The following FANCC variants were observed in gnomAD, a reference collection of about 807,000 sequenced individuals.
FANCC encodes Fanconi anemia group C protein.
Under a neutral mutation model 71.3 loss-of-function variants are expected in FANCC, and 55 were observed. That is an observed-to-expected ratio of 0.77 (90% CI 0.62 to 0.97). The LOEUF is 0.97. Among genes scored for constraint, FANCC ranks in the 50% least tolerant of loss-of-function variants. The pLI, the probability that FANCC is intolerant of heterozygous loss-of-function variation, is 0.00. For missense variants in FANCC, 678 were observed against 670.9 expected (o/e 1.01, Z -0.12); for synonymous variants, 275 against 244.9 (o/e 1.12, Z -1.15).
intron 6 of FANCC, among the ~76,000 whole-genome samples, chr9:95,152,910 C>T (rs1033584857): frequency 3.3e-5 from 5 of 152,008 alleles, no homozygotes; most frequent in African/African-American, 1.2e-4. Context: ...ACACTAAATA[C>T]ACTAATACCA....
chr9:95,287,048 C>T (rs1321320888), intron 1 of FANCC, among the ~76,000 whole-genome samples: 2 of 152,050 alleles, frequency 1.3e-5, no homozygotes, highest in Non-Finnish European at 2.9e-5. Context: ...TTACATGGTG[C>T]TTATTCTATG....
intron 1 of FANCC, among the ~76,000 whole-genome samples, chr9:95,263,450 G>A (rs138896722): frequency 1.3e-5 from 2 of 150,852 alleles, no homozygotes; most frequent in African/African-American, 4.9e-5. Context: ...TGTTACTGAA[G>A]ACCCCAAAGA....
intron 1 of FANCC, among the ~76,000 whole-genome samples, chr9:95,280,787 T>G (rs1371513246): frequency 6.6e-6 from 1 of 152,174 alleles, no homozygotes; most frequent in Non-Finnish European, 1.5e-5. Flanking sequence ...TTAAGGAAAT[T>G]TGGCTAACTT....
chr9:95,152,413 T>C (rs1214267974), intron 6 of FANCC, among the ~76,000 whole-genome samples: 1 of 152,170 alleles, frequency 6.6e-6, no homozygotes, highest in Non-Finnish European at 1.5e-5. Flanking sequence ...AGCACGTATA[T>C]ATCTGGGAAG....
intron 4 of FANCC, among the ~76,000 whole-genome samples, chr9:95,175,268 A>G (rs1259949843): frequency 1.3e-5 from 2 of 152,040 alleles, no homozygotes; most frequent in Non-Finnish European, 2.9e-5. Context: ...GCTTTAAAAC[A>G]TTACTACTCA....
chr9:95,278,036 T>C (rs1427725148), intron 1 of FANCC, among the ~76,000 whole-genome samples: 1 of 152,218 alleles, frequency 6.6e-6, no homozygotes, highest in African/African-American at 2.4e-5. Flanking sequence ...AAATGATATG[T>C]ACACACTGTA....
intron 1 of FANCC, among the ~76,000 whole-genome samples, chr9:95,288,075 T>A (rs1270210810): frequency 6.6e-6 from 1 of 152,180 alleles, no homozygotes; most frequent in Non-Finnish European, 1.5e-5. Context: ...TTCTTCATAA[T>A]CTCTGTACAG....
intron 1 of FANCC, among the ~76,000 whole-genome samples, chr9:95,295,861 G>C (rs996533853): frequency 3.3e-5 from 5 of 151,966 alleles, no homozygotes; most frequent in African/African-American, 1.2e-4. Flanking sequence ...CAAAGTTTCA[G>C]TCCTAAAAGA....
intron 4 of FANCC, among the ~76,000 whole-genome samples, chr9:95,229,720 C>T (rs1829868651): frequency 6.6e-6 from 1 of 151,816 alleles, no homozygotes; most frequent in Admixed American, 6.6e-5. Context: ...GGGAAAGGTT[C>T]GACCTGGAGA....
intron 12 of FANCC, among the ~76,000 whole-genome samples, chr9:95,112,045 C>T (rs937805488): frequency 6.6e-6 from 1 of 152,238 alleles, no homozygotes; most frequent in African/African-American, 2.4e-5. Flanking sequence ...TATTTCCCTT[C>T]TGACAAGACG....
At chr9:95,290,016 T>A (rs1833911874) in intron 1 of FANCC, among the ~76,000 whole-genome samples, 1 of 152,190 alleles carries the variant, frequency 6.6e-6, no homozygotes, top group Non-Finnish European at 1.5e-5. Flanking sequence ...GAAAGACTGA[T>A]TCCAGAAAAT....
chr9:95,268,744 A>G (rs1432937452), intron 1 of FANCC, among the ~76,000 whole-genome samples: 2 of 152,152 alleles, frequency 1.3e-5, no homozygotes, highest in African/African-American at 4.8e-5. Context: ...TGGAAAGCAG[A>G]GCTCAGACAG....
chr9:95,231,486 C>A (rs758379827), intron 4 of FANCC, among the ~76,000 whole-genome samples: 2 of 152,108 alleles, frequency 1.3e-5, no homozygotes, highest in African/African-American at 2.4e-5. Flanking sequence ...GAATGGCAGG[C>A]GGGAAGCACT....
At chr9:95,117,176 T>C (rs560338730) in intron 11 of FANCC, 139 bp downstream of exon 11, 2 of 775,812 alleles carry the variant, frequency 2.6e-6, no homozygotes, top group East Asian at 5.4e-5. Context: ...TGTGGGATCC[T>C]GGGGGCTTAA....
At chr9:95,227,372 C>T (rs1228516860) in intron 4 of FANCC, among the ~76,000 whole-genome samples, 1 of 152,148 alleles carries the variant, frequency 6.6e-6, no homozygotes, top group African/African-American at 2.4e-5. Flanking sequence ...GTGGATTTAT[C>T]TACTAAATCC....
intron 6 of FANCC, among the ~76,000 whole-genome samples, chr9:95,168,509 G>C (rs1409887676): frequency 1.3e-5 from 2 of 152,308 alleles, no homozygotes; most frequent in East Asian, 1.9e-4. Context: ...AAAAATTCCA[G>C]AAATAATTCA....
At chr9:95,140,247 C>T (rs913661629) in intron 7 of FANCC, among the ~76,000 whole-genome samples, 1 of 152,072 alleles carries the variant, frequency 6.6e-6, no homozygotes, top group South Asian at 2.1e-4. Context: ...ACAGTGACAG[C>T]GTCTGCCATG....
chr9:95,280,149 T>TA lies in FANCC; in HGVS notation c.-78-30781dup, dbSNP rs367715465. 2.6e-4 allele frequency among the ~76,000 whole-genome samples: 39 copies of TA among 151,692 alleles called. 1 individual carries two copies. Among genetic ancestry groups the TA allele is most frequent in the East Asian group, 1.2e-3 (6 of 5,178 alleles). ...AACTTAATTGTGGCTATACTGATAT[T>TA]AAAAAAAACAAATTTTAAAACAAAA... is the stretch of plus-strand genomic sequence containing the variant. On this transcript the variant is annotated intron_variant, in intron 1 of 14. Coordinates refer to ENST00000289081, the MANE Select transcript of FANCC (RefSeq NM_000136.3).
intron 1 of FANCC, chr9:95,292,989 G>C: frequency 6.3e-7 from 1 of 1,576,614 alleles, no homozygotes; most frequent in African/African-American, 1.3e-5. Context: ...GATCCCTGCA[G>C]AACACAGGGA....
Sources: gnomAD v4.1 joint callset for allele counts (sites outside exome capture counted in the v4.1 genomes callset) on GRCh38, gnomAD v4.1.1 for gene constraint, MANE v1.5 for transcripts, NCBI Gene and HGNC (gene_info 2026-07-23, HGNC 2026-07-21) for gene names.